Variants in SEC23A observed in about 807,000 individuals in gnomAD.
SEC23A encodes the protein SEC23 homolog A, COPII component, also known as protein transport protein Sec23A.
A neutral mutation model predicts 103.7 loss-of-function variants in SEC23A; 56 were observed. The ratio of observed to expected loss-of-function variants is 0.54; its 90% CI spans 0.44 to 0.67. SEC23A has a LOEUF of 0.67. Among genes scored for constraint, SEC23A ranks in the 30% least tolerant of loss-of-function variants. The pLI is 0.00. For missense variants in SEC23A, 784 were observed against 936.4 expected, an observed-to-expected ratio of 0.84 and a Z score of 2.12; for synonymous variants, 281 against 293.0, an observed-to-expected ratio of 0.96 and a Z score of 0.42.
At chr14:39,044,696 T>C (rs545144539) in intron 16 of SEC23A, among the ~76,000 whole-genome samples, 2 of 152,348 alleles carry the variant, frequency 1.3e-5, no homozygotes, top group East Asian at 3.9e-4. Flanking sequence ...AGCATGTGTC[T>C]TTATAATCAA....
chr14:39,090,970 G>A, intron 5 of SEC23A: 1 of 343,342 alleles, frequency 2.9e-6, no homozygotes. Flanking sequence ...TGCTCCAACA[G>A]TTGGTGCTGC....
chr14:39,092,925 G>C, intron 3 of SEC23A: 1 of 482,076 alleles, frequency 2.1e-6, no homozygotes, highest in Admixed American at 3.6e-5. Flanking sequence ...GTAGAGTGGT[G>C]CAATCTCGGC....
chr14:39,073,606 T>A (rs1046487064), intron 9 of SEC23A, among the ~76,000 whole-genome samples: 4 of 136,280 alleles, frequency 2.9e-5, no homozygotes, highest in African/African-American at 1.1e-4. Context: ...GATTCCTCTT[T>A]TTTTTTTTTT....
At chr14:39,099,405 G>A (rs151165709) in intron 1 of SEC23A, among the ~76,000 whole-genome samples, 2,236 of 151,978 alleles carry the variant, frequency 0.015, 56 homozygotes, top group African/African-American at 0.051. Flanking sequence ...TGATCCGCCG[G>A]CCTCGGCCTC....
intron 8 of SEC23A, among the ~76,000 whole-genome samples, chr14:39,074,913 C>T (rs549987900): frequency 6.6e-6 from 1 of 152,276 alleles, no homozygotes; most frequent in African/African-American, 2.4e-5. Context: ...CGAGACCATC[C>T]TGGCAAACAC....
At chr14:39,086,882 T>C in intron 6 of SEC23A, 47 bp downstream of exon 6, 1 of 1,158,876 alleles carries the variant, frequency 8.6e-7, no homozygotes, top group Middle Eastern at 1.9e-4. Context: ...ATGGAATGTT[T>C]AAAATAGCTA....
rs542198333 is a variant in SEC23A at position 39,048,792 on chromosome 14, T to C, written c.1660-63A>G. 2.6e-5 allele frequency: 22 copies of C among 857,638 alleles called. No homozygotes were observed. The African/African-American group carries it at 3.3e-4, about 13-fold the overall frequency. The allele number at this position is 857,638 out of a possible 1,614,324, so 53.1% of individuals were successfully genotyped here. A position where few individuals can be genotyped will look rare whatever the true frequency, so the allele number is the denominator to read the frequency against. ...GAATAAAAGCTAACACTGTTGCCTATAAATATTCTATTTACAAGAAGTTAC... is the reference window on the plus strand; with the variant it reads ...GAATAAAAGCTAACACTGTTGCCTACAAATATTCTATTTACAAGAAGTTAC... On this transcript the variant is annotated intron_variant, in intron 14 of 19. Coordinates refer to ENST00000307712, the MANE Select transcript of SEC23A (RefSeq NM_006364.4).
chr14:39,057,284 C>A (rs1304685150), intron 13 of SEC23A, among the ~76,000 whole-genome samples: 3 of 145,596 alleles, frequency 2.1e-5, no homozygotes, highest in African/African-American at 7.8e-5. Context: ...CCAGCATGGG[C>A]GACAGAGCGA....
At chr14:39,073,265 T>C (rs1886897034) in intron 9 of SEC23A, among the ~76,000 whole-genome samples, 1 of 152,154 alleles carries the variant, frequency 6.6e-6, no homozygotes. Flanking sequence ...TTATGCTGAG[T>C]AAAAGAAACC....
In SEC23A at chr14:39,096,189, G is replaced by T. The variant is rs372395312; in HGVS notation, c.-21-50C>A. 5.0e-6 allele frequency: 6 copies of T among 1,208,662 alleles called. No individual in the cohort carries two copies. In the African/African-American group the frequency reaches 6.1e-5, roughly 12 times the overall value. The allele number at this position is 1,208,662 out of a possible 1,614,324, so 74.9% of individuals were successfully genotyped here. On this transcript the variant is annotated intron_variant, in intron 1 of 19. Coordinates refer to ENST00000307712, the MANE Select transcript of SEC23A (RefSeq NM_006364.4). ...TAAAATCCAGGATCCTCTTAAGAAC[G>T]TTCAAAATATGAATGTTCTCCCCTC...
intron 5 of SEC23A, chr14:39,091,266 A>G (rs1461558380): frequency 8.8e-6 from 5 of 571,294 alleles, no homozygotes; most frequent in African/African-American, 1.9e-5. Flanking sequence ...TTTTAAAGAT[A>G]TAGTTAAAAG....
At chr14:39,047,515 A>G in intron 15 of SEC23A, 7 of 624,238 alleles carry the variant, frequency 1.1e-5, no homozygotes, top group Non-Finnish European at 1.6e-5. Flanking sequence ...AACAACAAAA[A>G]AAAAAACAGA....
At chr14:39,072,446 G>A (rs571225927) in intron 9 of SEC23A, among the ~76,000 whole-genome samples, 8 of 152,242 alleles carry the variant, frequency 5.3e-5, no homozygotes, top group African/African-American at 1.7e-4. Flanking sequence ...AACATCATTA[G>A]TCTTCAGGGA....
chr14:39,090,775 GTTC>G, intron 5 of SEC23A: 1 of 164,680 alleles, frequency 6.1e-6, no homozygotes, highest in South Asian at 1.6e-4. Context: ...TCCATCTCAA[GTTC>G]TTCTGTATCT....
At chr14:39,043,859 G>A (rs1288051126) in intron 16 of SEC23A, among the ~76,000 whole-genome samples, 2 of 152,160 alleles carry the variant, frequency 1.3e-5, no homozygotes, top group East Asian at 3.9e-4. Flanking sequence ...CTTTATAAGA[G>A]CCATTTCAAT....
At chr14:39,075,895 G>A (rs202030162) in intron 8 of SEC23A, 40 bp downstream of exon 8, 112 of 1,580,648 alleles carry the variant, frequency 7.1e-5, no homozygotes, top group Middle Eastern at 1.7e-4. Context: ...ATGAATACCT[G>A]TTTTCTAATA....
At chr14:39,081,047 T>C (rs1477955000) in intron 7 of SEC23A, among the ~76,000 whole-genome samples, 1 of 151,880 alleles carries the variant, frequency 6.6e-6, no homozygotes, top group Non-Finnish European at 1.5e-5. Flanking sequence ...TCTACAAATT[T>C]AAAAAGTAGC....
intron 9 of SEC23A, 127 bp downstream of exon 9, chr14:39,074,288 T>C: frequency 1.4e-6 from 1 of 714,932 alleles, no homozygotes; most frequent in African/African-American, 1.7e-5. Flanking sequence ...CAAAAACTAC[T>C]AACAGATGTG....
At chr14:39,079,985 A>T (rs1396202691) in intron 7 of SEC23A, among the ~76,000 whole-genome samples, 1 of 152,288 alleles carries the variant, frequency 6.6e-6, no homozygotes, top group East Asian at 1.9e-4. Context: ...CTAATAACAA[A>T]AATACTCTCT....
Sources: gnomAD v4.1 joint callset for allele counts (sites outside exome capture counted in the v4.1 genomes callset) on GRCh38, gnomAD v4.1.1 for gene constraint, MANE v1.5 for transcripts, NCBI Gene and HGNC (gene_info 2026-07-23, HGNC 2026-07-21) for gene names.